The following MAGI2 variants were observed in gnomAD, a reference collection of about 807,000 sequenced individuals.
MAGI2 encodes membrane associated guanylate kinase, WW and PDZ domain containing 2.
MAGI2 carries 35 observed loss-of-function variants against 133.3 expected under a neutral mutation model. The ratio of observed to expected loss-of-function variants is 0.26; its 90% confidence interval spans 0.20 to 0.35. The LOEUF is 0.35. Ranked by LOEUF, MAGI2 falls within the 10% of genes least tolerant of loss-of-function variation. The probability of loss-of-function intolerance (pLI) is 1.00; values close to 1 mark genes in which losing one functional copy is unlikely to be tolerated. For synonymous variants in MAGI2, 729 were observed against 710.6 expected (o/e 1.03, Z -0.41); for missense variants, 1,636 against 1,863.4 (o/e 0.88, Z 2.25).
chr7:78,142,799 T>C (rs952913061), intron 16 of MAGI2, among the ~76,000 whole-genome samples: 1 of 152,182 alleles, frequency 6.6e-6, no homozygotes, highest in African/African-American at 2.4e-5. Flanking sequence ...TGTAGGTGTG[T>C]GGGGTCTGGG....
At chr7:79,249,720 T>C (rs1304250078) in intron 1 of MAGI2, among the ~76,000 whole-genome samples, 2 of 152,130 alleles carry the variant, frequency 1.3e-5, no homozygotes, top group Non-Finnish European at 2.9e-5. Context: ...ATCAAACATA[T>C]AAGGAAGAAC....
intron 10 of MAGI2, among the ~76,000 whole-genome samples, chr7:78,234,553 A>AGTG (rs1790308281): frequency 6.8e-6 from 1 of 147,946 alleles, no homozygotes; most frequent in Admixed American, 6.8e-5. Context: ...ATTCATTATA[A>AGTG]TATAATGAAT....
At chr7:78,514,024 G>A (rs1381301189) in intron 4 of MAGI2, among the ~76,000 whole-genome samples, 1 of 140,788 alleles carries the variant, frequency 7.1e-6, no homozygotes, top group African/African-American at 2.7e-5. Flanking sequence ...GGAGGCAGAG[G>A]TTGAAGTGAG....
chr7:79,112,839 T>C (rs1487014683), intron 1 of MAGI2, among the ~76,000 whole-genome samples: 1 of 152,132 alleles, frequency 6.6e-6, no homozygotes, highest in Non-Finnish European at 1.5e-5. Flanking sequence ...AAAATGCAAT[T>C]GTTCCATGAC....
At chr7:79,079,926 T>C (rs1815894786) in intron 1 of MAGI2, among the ~76,000 whole-genome samples, 1 of 152,126 alleles carries the variant, frequency 6.6e-6, no homozygotes, top group South Asian at 2.1e-4. Flanking sequence ...TCTTCTCCTT[T>C]AAAAATAGTG....
At chr7:79,419,329 G>A (rs542183771) in intron 1 of MAGI2, among the ~76,000 whole-genome samples, 8 of 152,018 alleles carry the variant, frequency 5.3e-5, no homozygotes. Context: ...ATAGAATGCA[G>A]GACAACAGTT....
At chr7:79,048,595 G>C (rs1172224437) in intron 1 of MAGI2, among the ~76,000 whole-genome samples, 1 of 152,060 alleles carries the variant, frequency 6.6e-6, no homozygotes, top group Non-Finnish European at 1.5e-5. Flanking sequence ...TAGTATTCTA[G>C]AAAAGCTCTA....
At chr7:79,301,319 T>C (rs1030608147) in intron 1 of MAGI2, among the ~76,000 whole-genome samples, 5 of 152,234 alleles carry the variant, frequency 3.3e-5, no homozygotes, top group African/African-American at 1.2e-4. Flanking sequence ...GACTGCACCC[T>C]GTAAAGTCAC....
chr7:79,111,109 T>G (rs774688805), intron 1 of MAGI2, among the ~76,000 whole-genome samples: 5 of 152,220 alleles, frequency 3.3e-5, no homozygotes, highest in Non-Finnish European at 5.9e-5. Context: ...ATACCATGTA[T>G]TCTCTGATGT....
At chr7:78,865,606 C>T (rs1259090176) in intron 2 of MAGI2, among the ~76,000 whole-genome samples, 5 of 152,042 alleles carry the variant, frequency 3.3e-5, no homozygotes, top group African/African-American at 1.2e-4. Context: ...TTCATGGAGA[C>T]TTAGAGGGAT....
intron 20 of MAGI2, among the ~76,000 whole-genome samples, chr7:78,111,591 C>T (rs183939064): frequency 2.0e-5 from 3 of 152,352 alleles, no homozygotes; most frequent in Non-Finnish European, 2.9e-5. Flanking sequence ...ATCAACACCA[C>T]GCTCTCCCTC....
chr7:78,862,230 AAT>A (rs1262751857), intron 2 of MAGI2, among the ~76,000 whole-genome samples: 2 of 152,200 alleles, frequency 1.3e-5, no homozygotes, highest in African/African-American at 4.8e-5. Context: ...GAGTGCTTAG[AAT>A]ATAACTTCTT....
chr7:79,119,168 G>T (rs566798874), intron 1 of MAGI2, among the ~76,000 whole-genome samples: 42 of 152,208 alleles, frequency 2.8e-4, no homozygotes, highest in African/African-American at 9.9e-4. Context: ...TCTCTGTCTG[G>T]TTCACATAAT....
Position 78,658,687 on chromosome 7 carries a change from G to A in MAGI2, c.419-31448C>T, listed in dbSNP as rs1276299071. On this transcript the variant is annotated intron_variant, in intron 2 of 21. Coordinates refer to ENST00000354212, the MANE Select transcript of MAGI2 (RefSeq NM_012301.4). ...TGACAGCAAGAGTAAGTGGATATACGGATGGCAAATAAGCACATACAATAA... is the reference window on the plus strand; with the variant it reads ...TGACAGCAAGAGTAAGTGGATATACAGATGGCAAATAAGCACATACAATAA... Among the ~76,000 whole-genome samples, 6 of 152,216 alleles carry A rather than the reference G, an allele frequency of 3.9e-5. No individual in the cohort carries two copies. In the East Asian group the frequency reaches 5.8e-4, roughly 15 times the overall value.
At chr7:79,239,911 C>G (rs957190717) in intron 1 of MAGI2, among the ~76,000 whole-genome samples, 4 of 152,290 alleles carry the variant, frequency 2.6e-5, no homozygotes, top group African/African-American at 9.6e-5. Context: ...GAAGCCCAAT[C>G]TTAGAATTGC....
intron 3 of MAGI2, chr7:78,614,913 A>T (rs1032549672): frequency 6.6e-6 from 1 of 152,134 alleles, no homozygotes; most frequent in Non-Finnish European, 1.5e-5. Flanking sequence ...TCTGCACATA[A>T]CGTTTTCTGG....
chr7:78,233,214 T>C (rs1228425594), intron 10 of MAGI2, among the ~76,000 whole-genome samples: 1 of 152,026 alleles, frequency 6.6e-6, no homozygotes, highest in Non-Finnish European at 1.5e-5. Context: ...TACAGAGTGA[T>C]AAAACAAAAA....
At chr7:78,269,020 G>A (rs1456536384) in intron 9 of MAGI2, among the ~76,000 whole-genome samples, 1 of 152,122 alleles carries the variant, frequency 6.6e-6, no homozygotes, top group African/African-American at 2.4e-5. Flanking sequence ...ACACTTATGA[G>A]TGAGAACATG....
intron 18 of MAGI2, 133 bp from the exon 19 acceptor site, chr7:78,127,549 G>T: frequency 1.6e-6 from 1 of 639,836 alleles, no homozygotes; most frequent in Admixed American, 3.2e-5. Context: ...CCTGTTGGAT[G>T]CTCAGGATTA....
Sources: gnomAD v4.1 joint callset for allele counts (sites outside exome capture counted in the v4.1 genomes callset) on GRCh38, gnomAD v4.1.1 for gene constraint, MANE v1.5 for transcripts, NCBI Gene and HGNC (gene_info 2026-07-23, HGNC 2026-07-21) for gene names.